BLTP2: variants seen among roughly 807,000 people sequenced by gnomAD.
BLTP2 encodes bridge-like lipid transfer protein family member 2, also known as U937-associated antigen.
At chr17:28,635,446 T>G in the BLTP2 span, 1 of 1,614,104 alleles carries the variant, frequency 6.2e-7, no homozygotes, top group Admixed American at 1.7e-5. Flanking sequence ...GCCTTCTAGC[T>G]CAGAAGTAGT....
the BLTP2 span, chr17:28,618,983 CA>C: frequency 1.2e-6 from 2 of 1,608,562 alleles, no homozygotes; most frequent in Non-Finnish European, 1.7e-6. Flanking sequence ...TGTAAGTGGA[CA>C]GGGGAGCCAA....
chr17:28,625,117 C>A, the BLTP2 span, among the ~76,000 whole-genome samples: 1 of 151,914 alleles, frequency 6.6e-6, no homozygotes, highest in Non-Finnish European at 1.5e-5. Context: ...GTGGGCAGAT[C>A]ACGAGGTCAG....
At chr17:28,617,651 T>C in the BLTP2 span, among the ~76,000 whole-genome samples, 629 of 152,360 alleles carry the variant, frequency 4.1e-3, 7 homozygotes, top group Non-Finnish European at 5.4e-3. Flanking sequence ...TATTAGAATA[T>C]TCTATTCCAA....
At chr17:28,638,470 G>A in the BLTP2 span, 1 of 1,599,228 alleles carries the variant, frequency 6.3e-7, no homozygotes, top group Non-Finnish European at 8.6e-7. Context: ...CATCAATTGG[G>A]CCTAGCTCCA....
At chr17:28,619,281 TA>T in the BLTP2 span, among the ~76,000 whole-genome samples, 69 of 145,932 alleles carry the variant, frequency 4.7e-4, no homozygotes, top group Non-Finnish European at 5.2e-4. Context: ...TCAGGTTCAT[TA>T]AAAAAAAAAA....
the BLTP2 span, among the ~76,000 whole-genome samples, chr17:28,627,518 T>C: frequency 4.6e-5 from 7 of 152,000 alleles, no homozygotes; most frequent in Non-Finnish European, 1.0e-4. Flanking sequence ...GCCATTCTCC[T>C]GCCTCAGCCT....
chr17:28,639,877 G>A, the BLTP2 span: 1 of 1,613,854 alleles, frequency 6.2e-7, no homozygotes, highest in Admixed American at 1.7e-5. Flanking sequence ...TTCTCGCTCA[G>A]TACCAGTACC....
chr17:28,640,014 C>T, the BLTP2 span: 1 of 1,613,698 alleles, frequency 6.2e-7, no homozygotes, highest in Non-Finnish European at 8.5e-7. Context: ...CTTCAGAGTC[C>T]AAGTCAGGTG....
chr17:28,619,912 T>C, the BLTP2 span: 6 of 1,614,138 alleles, frequency 3.7e-6, no homozygotes. Context: ...GGCCACATGC[T>C]GCCGCACAGC....
At chr17:28,635,656 A>T in the BLTP2 span, 1 of 1,551,440 alleles carries the variant, frequency 6.4e-7, no homozygotes, top group South Asian at 1.2e-5. Context: ...ATGTCACAAA[A>T]CAGTAGAGAT....
the BLTP2 span, chr17:28,639,808 TGA>T: frequency 2.7e-5 from 40 of 1,491,886 alleles, no homozygotes; most frequent in Non-Finnish European, 3.6e-5. Context: ...CCAGTTACAC[TGA>T]GATTAGATTA....
the BLTP2 span, chr17:28,637,149 T>A: frequency 6.2e-7 from 1 of 1,614,010 alleles, no homozygotes; most frequent in Non-Finnish European, 8.5e-7. Flanking sequence ...AGTTAGGGTG[T>A]CCAGTCGTAC....
the BLTP2 span, chr17:28,615,883 G>C: frequency 3.4e-6 from 5 of 1,449,516 alleles, no homozygotes; most frequent in Non-Finnish European, 1.9e-6. Flanking sequence ...AGCCACTTGA[G>C]TGCCAAGTCC....
At chr17:28,640,187 G>T in the BLTP2 span, among the ~76,000 whole-genome samples, 1 of 152,128 alleles carries the variant, frequency 6.6e-6, no homozygotes, top group Non-Finnish European at 1.5e-5. Context: ...GAGGTCAGGA[G>T]ATCGAGACCA....
the BLTP2 span, chr17:28,628,666 G>C: frequency 1.1e-6 from 1 of 905,846 alleles, no homozygotes; most frequent in Non-Finnish European, 1.7e-6. Flanking sequence ...CAGATGCCAT[G>C]GCTCATGCCC....
the BLTP2 span, chr17:28,642,394 G>A: frequency 8.9e-4 from 1,281 of 1,445,230 alleles, 3 homozygotes; most frequent in Non-Finnish European, 1.1e-3. Flanking sequence ...GCTCACGCCT[G>A]TAACCCCAGC....
At chr17:28,619,570 T>G in the BLTP2 span, 1 of 1,563,900 alleles carries the variant, frequency 6.4e-7, no homozygotes, top group South Asian at 1.1e-5. Flanking sequence ...ACACTAGACC[T>G]AAAGACAGTC....
the BLTP2 span, chr17:28,643,722 A>G: frequency 6.8e-7 from 1 of 1,465,188 alleles, no homozygotes; most frequent in Non-Finnish European, 9.6e-7. Flanking sequence ...GCAGCTTGAC[A>G]AGCCAGGAAA....
At chr17:28,629,758 C>T in the BLTP2 span, among the ~76,000 whole-genome samples, 2 of 152,230 alleles carry the variant, frequency 1.3e-5, no homozygotes, top group Admixed American at 6.5e-5. Flanking sequence ...GGATTACAGT[C>T]GTGAGCCACT....
Sources: gnomAD v4.1 joint callset for allele counts (sites outside exome capture counted in the v4.1 genomes callset) on GRCh38, gnomAD v4.1.1 for gene constraint, MANE v1.5 for transcripts, NCBI Gene and HGNC (gene_info 2026-07-23, HGNC 2026-07-21) for gene names.